The following LINGO2 variants were observed in gnomAD, a reference collection of about 807,000 sequenced individuals.
The protein encoded by LINGO2 is leucine rich repeat and Ig domain containing 2, also known as leucine-rich repeat and immunoglobulin-like domain-containing nogo receptor-interacting protein 2.
In LINGO2, 14 loss-of-function variants were observed where a neutral mutation model predicts 30.6. The ratio of observed to expected loss-of-function variants is 0.46; its 90% CI spans 0.30 to 0.72. The LOEUF is 0.72. LINGO2 is among the 30% of genes least tolerant of loss of function. The probability of loss-of-function intolerance (pLI) is 0.07; values close to 1 mark genes in which losing one functional copy is unlikely to be tolerated. For missense variants in LINGO2, 729 were observed against 751.7 expected, an observed-to-expected ratio of 0.97 and a Z score of 0.35; for synonymous variants, 317 against 288.5, an observed-to-expected ratio of 1.10 and a Z score of -1.00.
the LINGO2 span, among the ~76,000 whole-genome samples, chr9:29,120,207 T>C: frequency 6.6e-6 from 1 of 152,148 alleles, no homozygotes; most frequent in Non-Finnish European, 1.5e-5. Context: ...TGTGAGACCC[T>C]GGCAGTAGGC....
chr9:28,738,054 G>A, the LINGO2 span, among the ~76,000 whole-genome samples: 7 of 151,972 alleles, frequency 4.6e-5, no homozygotes, highest in South Asian at 2.1e-4. Flanking sequence ...TTCTGCACTC[G>A]TCCCCTTCCT....
chr9:28,451,444 A>T (rs1824643377), intron 2 of LINGO2, among the ~76,000 whole-genome samples: 1 of 151,832 alleles, frequency 6.6e-6, no homozygotes, highest in Non-Finnish European at 1.5e-5. Context: ...TTTTAATTGA[A>T]TCAACTCATA....
chr9:28,580,391 C>T (rs943741062), intron 1 of LINGO2, among the ~76,000 whole-genome samples: 11 of 151,990 alleles, frequency 7.2e-5, no homozygotes, highest in African/African-American at 2.7e-4. Context: ...TTAAAGTTAC[C>T]TTTCAGCAAT....
chr9:28,916,052 C>A, the LINGO2 span, among the ~76,000 whole-genome samples: 1 of 152,118 alleles, frequency 6.6e-6, no homozygotes, highest in African/African-American at 2.4e-5. Flanking sequence ...CAGTTCAGGC[C>A]ATGGTGCAAA....
chr9:27,967,829 C>T (rs1820172440), intron 5 of LINGO2, among the ~76,000 whole-genome samples: 1 of 152,102 alleles, frequency 6.6e-6, no homozygotes. Flanking sequence ...CATTTGCATG[C>T]CTACTCTTAA....
At chr9:28,796,881 T>A in the LINGO2 span, among the ~76,000 whole-genome samples, 1 of 151,730 alleles carries the variant, frequency 6.6e-6, no homozygotes, top group East Asian at 2.0e-4. Flanking sequence ...ATGTTTGAGA[T>A]ATATTTTAGT....
chr9:28,588,082 C>T lies in LINGO2; in HGVS notation c.-365+82118G>A, dbSNP rs538553737. On this transcript the variant is annotated intron_variant, in intron 1 of 5. Coordinates refer to ENST00000379992, the Ensembl canonical transcript of LINGO2. ...AGTTCTTTATCTCCAGATACAAATC[C>T]GGAGGAAAGAATCATATAAGGATTT... is the stretch of plus-strand genomic sequence containing the variant. Among the ~76,000 whole-genome samples the T allele has an allele frequency of 5.3e-4, 80 of 152,004 alleles. 1 individual carries two copies. Among genetic ancestry groups the T allele is most frequent in the Admixed American group, 1.6e-3 (25 of 15,248 alleles).
At chr9:28,954,415 G>A in the LINGO2 span, among the ~76,000 whole-genome samples, 2 of 151,984 alleles carry the variant, frequency 1.3e-5, no homozygotes, top group South Asian at 2.1e-4. Context: ...CAAAGAACAA[G>A]TTATAAAAAA....
chr9:28,732,032 T>C, the LINGO2 span, among the ~76,000 whole-genome samples: 2 of 152,104 alleles, frequency 1.3e-5, no homozygotes, highest in African/African-American at 4.8e-5. Context: ...AAAATAATTA[T>C]ATTTCATCCT....
At chr9:27,970,163 TG>T (rs1488077409) in intron 5 of LINGO2, among the ~76,000 whole-genome samples, 1 of 152,124 alleles carries the variant, frequency 6.6e-6, no homozygotes, top group African/African-American at 2.4e-5. Flanking sequence ...CACACTGGGA[TG>T]CTTCTGTAGG....
chr9:28,561,749 G>GTGTGCATATA (rs772157537), intron 1 of LINGO2, among the ~76,000 whole-genome samples: 1 of 48,754 alleles, frequency 2.1e-5, no homozygotes, highest in Non-Finnish European at 3.6e-5. Flanking sequence ...GTGTGTGTGT[G>GTGTGCATATA]TATATATATA....
chr9:28,636,260 T>C (rs13287591), intron 1 of LINGO2, among the ~76,000 whole-genome samples: 14,316 of 152,258 alleles, frequency 0.094, 879 homozygotes, highest in East Asian at 0.19. Context: ...TCTTTGCTAT[T>C]GTGAATAGTG....
chr9:28,349,922 T>C (rs1204977957), intron 3 of LINGO2, among the ~76,000 whole-genome samples: 1 of 152,028 alleles, frequency 6.6e-6, no homozygotes, highest in Non-Finnish European at 1.5e-5. Flanking sequence ...GAAGGAGAAA[T>C]AAAATCCTTT....
chr9:28,763,544 G>A, the LINGO2 span, among the ~76,000 whole-genome samples: 4 of 151,806 alleles, frequency 2.6e-5, no homozygotes, highest in East Asian at 1.9e-4. Flanking sequence ...AGTACTAAGC[G>A]AGAAGTTCAT....
chr9:29,211,567 T>TCTTCC, the LINGO2 span, among the ~76,000 whole-genome samples: 1 of 138,822 alleles, frequency 7.2e-6, no homozygotes, highest in African/African-American at 2.6e-5. Flanking sequence ...CCTTCTCTTC[T>TCTTCC]CTTCTCTTCT....
intron 3 of LINGO2, among the ~76,000 whole-genome samples, chr9:28,348,021 G>C (rs1819660318): frequency 1.3e-5 from 2 of 152,168 alleles, no homozygotes; most frequent in Non-Finnish European, 2.9e-5. Context: ...GCTATTCTCA[G>C]AAGTATTTTA....
the LINGO2 span, among the ~76,000 whole-genome samples, chr9:28,963,187 A>T: frequency 6.6e-6 from 1 of 151,982 alleles, no homozygotes; most frequent in East Asian, 1.9e-4. Context: ...ATACTTGAGA[A>T]GAGTATTGAC....
chr9:28,308,731 A>C lies in LINGO2; in HGVS notation c.-245-13365T>G, dbSNP rs201987392. ...ATCTACAATGAACTCAAACAAATTT[A>C]CAAGAAAAAAACAAACAACCCCATC... On this transcript the variant is annotated intron_variant, in intron 3 of 5. Transcript: ENST00000379992. Among the ~76,000 whole-genome samples, 2,004 of 151,228 alleles carry C rather than the reference A, an allele frequency of 0.013. 83 individuals carry two copies. In the East Asian group the frequency reaches 0.16, roughly 12 times the overall value.
the LINGO2 span, among the ~76,000 whole-genome samples, chr9:29,050,349 C>T: frequency 1.3e-5 from 2 of 152,106 alleles, no homozygotes; most frequent in African/African-American, 4.8e-5. Context: ...ACATTGTATG[C>T]CTTTATCAAA....
Sources: allele counts gnomAD v4.1 joint callset (sites outside exome capture counted in the v4.1 genomes callset), GRCh38; gene constraint gnomAD v4.1.1; transcripts MANE v1.5; gene names NCBI Gene and HGNC (gene_info 2026-07-23, HGNC 2026-07-21).